The following PCDHGA12 variants were observed in gnomAD, a reference collection of about 807,000 sequenced individuals.
The protein encoded by PCDHGA12 is protocadherin gamma subfamily A, 12.
A neutral mutation model predicts 61.1 loss-of-function variants in PCDHGA12; 43 were observed. That is an observed-to-expected ratio of 0.70 (90% CI 0.55 to 0.91). The LOEUF is 0.91. Among genes scored for constraint, PCDHGA12 ranks in the 40% least tolerant of loss-of-function variants. The pLI, the probability that PCDHGA12 is intolerant of heterozygous loss-of-function variation, is 0.00. For missense variants in PCDHGA12, 1,236 were observed against 1,227.7 expected (o/e 1.01, Z -0.10); for synonymous variants, 520 against 542.9 (o/e 0.96, Z 0.59).
Position 141,485,778 on chromosome 5 carries a change from G to C in PCDHGA12, c.2425-9029G>C. 1 of 1,614,216 alleles carries C rather than the reference G, an allele frequency of 6.2e-7. No homozygotes were observed. Among genetic ancestry groups the C allele is most frequent in the Non-Finnish European group, 8.5e-7 (1 of 1,180,048 alleles). On this transcript the variant is annotated intron_variant, in intron 1 of 3. Transcript: ENST00000252085. The surrounding 1 kb of genome is among the most constrained non-coding windows in gnomAD (Gnocchi z 5.7). ...CTGCTCCTGGAGAAGCCTTTGGATCGAGAGAAGCAATCGGACTACCGCCTG... is the reference window on the plus strand; with the variant it reads ...CTGCTCCTGGAGAAGCCTTTGGATCCAGAGAAGCAATCGGACTACCGCCTG...
At chr5:141,457,568 T>A (rs1397626206) in intron 1 of PCDHGA12, among the ~76,000 whole-genome samples, 1 of 152,190 alleles carries the variant, frequency 6.6e-6, no homozygotes, top group African/African-American at 2.4e-5. Context: ...TGGAGCAAAA[T>A]TTTTCTCTCC....
chr5:141,494,736 T>A, intron 1 of PCDHGA12, 71 bp from the exon 2 acceptor site: 2 of 1,611,858 alleles, frequency 1.2e-6, no homozygotes, highest in Non-Finnish European at 1.7e-6. Flanking sequence ...TCCCGGCCCA[T>A]CCCTAGGGGC....
In PCDHGA12 at chr5:141,481,831, G is replaced by A. The variant is rs35816779; in HGVS notation, c.2425-12976G>A. On this transcript the variant is annotated intron_variant, in intron 1 of 3. Coordinates refer to ENST00000252085, the MANE Select transcript of PCDHGA12 (RefSeq NM_003735.3). ...ACCAGGCGTGGTGGCTGAGGCAGGAGAATCGCTTGATGGTGGAGGTTGCAG... is the reference window on the plus strand; with the variant it reads ...ACCAGGCGTGGTGGCTGAGGCAGGAAAATCGCTTGATGGTGGAGGTTGCAG... Among the ~76,000 whole-genome samples the A allele has an allele frequency of 1.9e-3, 280 of 149,560 alleles. 1 individual carries two copies. The highest frequency in any genetic ancestry group is 0.01 in the Middle Eastern group (3 of 290).
intron 2 of PCDHGA12, among the ~76,000 whole-genome samples, chr5:141,503,681 A>C (rs1313633991): frequency 6.6e-6 from 1 of 152,102 alleles, no homozygotes; most frequent in Non-Finnish European, 1.5e-5. Context: ...ACTTTTGGGA[A>C]GGAGAATTGA....
chr5:141,489,793 C>G lies in PCDHGA12; in HGVS notation c.2425-5014C>G. On this transcript the variant is annotated intron_variant, in intron 1 of 3. Transcript: ENST00000252085. This position sits in a 1 kb window ranked among gnomAD's most constrained non-coding sequence, Gnocchi z 4.5. ...CCACTTCTCTCTGAATGTGAAGACC[C>G]TAAAAGATGGGAAGCCATTCCCAGA... 1 of 1,614,160 alleles carries G rather than the reference C, an allele frequency of 6.2e-7. No individual in the cohort carries two copies. The highest frequency in any genetic ancestry group is 1.1e-5 in the South Asian group (1 of 91,078).
intron 1 of PCDHGA12, among the ~76,000 whole-genome samples, chr5:141,472,071 A>G (rs1243864250): frequency 6.6e-6 from 1 of 152,200 alleles, no homozygotes. Context: ...GTCTGTGGTT[A>G]TATCAATGAG....
intron 1 of PCDHGA12, chr5:141,442,134 AG>A (rs1365375748): frequency 6.1e-6 from 1 of 163,744 alleles, no homozygotes; most frequent in African/African-American, 2.4e-5. Context: ...AGCCTGCAGG[AG>A]ACTCTGCCAG....
chr5:141,437,622 A>G (rs1007643306), intron 1 of PCDHGA12, among the ~76,000 whole-genome samples: 2 of 152,192 alleles, frequency 1.3e-5, no homozygotes, highest in Non-Finnish European at 2.9e-5. Flanking sequence ...TTATCCCCAT[A>G]TAAGATGTCA....
At chr5:141,497,143 GA>G (rs928640875) in intron 2 of PCDHGA12, among the ~76,000 whole-genome samples, 7 of 149,992 alleles carry the variant, frequency 4.7e-5, no homozygotes, top group African/African-American at 9.8e-5. Context: ...CTGAGATCAC[GA>G]AAAAAAAATA....
At chr5:141,504,671 G>C (rs1459848730) in intron 2 of PCDHGA12, among the ~76,000 whole-genome samples, 1 of 111,068 alleles carries the variant, frequency 9.0e-6, no homozygotes, top group East Asian at 3.2e-4. Context: ...GGGGGGTGGG[G>C]GTTCTTGTAA....
At position 141,512,280 on chromosome 5, in the gene PCDHGA12, TGGAAGGGTCAGC is replaced by T. The variant is rs1187119941; in HGVS notation, c.*1111_*1122del. The T allele has an allele frequency of 1.3e-5, 2 of 152,682 alleles. No individual in the cohort carries two copies. Among genetic ancestry groups the T allele is most frequent in the African/African-American group, 2.4e-5 (1 of 41,396 alleles). 9.5% of individuals were successfully genotyped at this position (152,682 alleles called of 1,614,324 possible). ...CTGGGTACTCCAGAGGTGCCACTGGTGGAAGGGTCAGCGGAGCCCCAGCAGGAAGGGTGGGCC... is the reference window on the plus strand; with the variant it reads ...CTGGGTACTCCAGAGGTGCCACTGGTGGAGCCCCAGCAGGAAGGGTGGGCC... On this transcript the variant is annotated 3_prime_UTR_variant, in exon 4 of 4. Transcript: ENST00000252085.
chr5:141,450,581 G>A (rs2098686464), intron 1 of PCDHGA12, among the ~76,000 whole-genome samples: 1 of 151,878 alleles, frequency 6.6e-6, no homozygotes, highest in Non-Finnish European at 1.5e-5. Context: ...CTGCCTCCCA[G>A]GTTCAAGCAA....
At chr5:141,466,019 G>C (rs1466918487) in intron 1 of PCDHGA12, among the ~76,000 whole-genome samples, 1 of 152,062 alleles carries the variant, frequency 6.6e-6, no homozygotes, top group African/African-American at 2.4e-5. Flanking sequence ...CTACTCGGGA[G>C]GGTGAGGCAG....
In PCDHGA12 at chr5:141,499,962, A is replaced by G. The variant is rs147527188; in HGVS notation, c.2483+5097A>G. Among the ~76,000 whole-genome samples the G allele has an allele frequency of 3.7e-3, 563 of 152,178 alleles. 5 individuals are homozygous for G. Among genetic ancestry groups the G allele is most frequent in the Admixed American group, 0.011 (164 of 15,288 alleles). On this transcript the variant is annotated intron_variant, in intron 2 of 3. Coordinates refer to ENST00000252085, the MANE Select transcript of PCDHGA12 (RefSeq NM_003735.3). ...CTCGGCCTCCCAAAATGTTGGGATT[A>G]CAGGTGTGAGCCACCTTGCCCGGCC...
chr5:141,507,816 TG>T (rs1478957063), intron 3 of PCDHGA12, among the ~76,000 whole-genome samples: 1 of 152,130 alleles, frequency 6.6e-6, no homozygotes, highest in African/African-American at 2.4e-5. Flanking sequence ...GAACGGACCC[TG>T]GGGGTGGAGG....
Position 141,491,663 on chromosome 5 carries a change from T to G in PCDHGA12, c.2425-3144T>G, listed in dbSNP as rs895604632. ...GCTCTGGCGCTGGAGCCTGACGCCA[T>G]CCGGTCCCGCTCTAATACGCTGCGG... On this transcript the variant is annotated intron_variant, in intron 1 of 3. Coordinates refer to ENST00000252085, the MANE Select transcript of PCDHGA12 (RefSeq NM_003735.3). The surrounding 1 kb of genome is among the most constrained non-coding windows in gnomAD (Gnocchi z 6.9). The G allele has an allele frequency of 3.1e-6, 5 of 1,613,650 alleles. No homozygotes were observed. Among genetic ancestry groups the G allele is most frequent in the Non-Finnish European group, 4.2e-6 (5 of 1,180,014 alleles).
Position 141,466,657 on chromosome 5 carries a change from C to T in PCDHGA12, c.2425-28150C>T, listed in dbSNP as rs143657719. Among the ~76,000 whole-genome samples the T allele has an allele frequency of 1.4e-3, 211 of 152,280 alleles. 1 individual carries two copies. The highest frequency in any genetic ancestry group is 4.7e-3 in the African/African-American group (197 of 41,542). On this transcript the variant is annotated intron_variant, in intron 1 of 3. Transcript: ENST00000252085. ...TCTCCATAAACTTTTCACAAAACAT[C>T]AGTGATTTCACCGTTCTTCCACTCA...
intron 1 of PCDHGA12, among the ~76,000 whole-genome samples, chr5:141,467,332 C>T (rs985838492): frequency 6.6e-6 from 1 of 152,124 alleles, no homozygotes; most frequent in Non-Finnish European, 1.5e-5. Context: ...GGATTAGAGA[C>T]GTAAGCCACT....
chr5:141,490,111 A>G lies in PCDHGA12; in HGVS notation c.2425-4696A>G. 6.2e-7 allele frequency: 1 copy of G among 1,614,244 alleles called. No individual in the cohort carries two copies. The highest frequency in any genetic ancestry group is 8.5e-7 in the Non-Finnish European group (1 of 1,180,042). On this transcript the variant is annotated intron_variant, in intron 1 of 3. Coordinates refer to ENST00000252085, the MANE Select transcript of PCDHGA12 (RefSeq NM_003735.3). The surrounding 1 kb of genome is among the most constrained non-coding windows in gnomAD (Gnocchi z 5.4). ...AGACCACACATCTGAGGCAGTGCGGAACCTCTTTGGCCTAGACCCTAGCAG... is the reference window on the plus strand; with the variant it reads ...AGACCACACATCTGAGGCAGTGCGGGACCTCTTTGGCCTAGACCCTAGCAG...
Sources: gnomAD v4.1 joint callset for allele counts (sites outside exome capture counted in the v4.1 genomes callset) on GRCh38, gnomAD v4.1.1 for gene constraint, Gnocchi (gnomAD v3.1) non-coding constraint, MANE v1.5 for transcripts, NCBI Gene and HGNC (gene_info 2026-07-23, HGNC 2026-07-21) for gene names.